The following ACO1 variants were observed in gnomAD, a reference collection of about 807,000 sequenced individuals.
ACO1 encodes cytoplasmic aconitate hydratase.
In ACO1, 78 loss-of-function variants were observed where a neutral mutation model predicts 105.1. The ratio of observed to expected loss-of-function variants is 0.74; its 90% confidence interval spans 0.62 to 0.90. The LOEUF (loss-of-function observed/expected upper bound fraction) is 0.90. Ranked by LOEUF, ACO1 falls within the 40% of genes least tolerant of loss-of-function variation. The pLI is 0.00. For synonymous variants in ACO1, 364 were observed against 397.4 expected (o/e 0.92, Z 1.00); for missense variants, 965 against 1,111.1 (o/e 0.87, Z 1.87).
chr9:32,418,593 T>C (rs1821903767), intron 6 of ACO1, 82 bp downstream of exon 6: 2 of 1,446,158 alleles, frequency 1.4e-6, no homozygotes, highest in Admixed American at 4.3e-5. Context: ...AACATGAATT[T>C]ACATGACCAC....
At position 32,436,391 on chromosome 9, in the gene ACO1, G is replaced by A. The variant is rs759394276; in HGVS notation, c.2241G>A (p.Gly747=). The A allele has an allele frequency of 5.0e-6, 8 of 1,613,826 alleles. No homozygotes were observed. The highest frequency in any genetic ancestry group is 6.8e-6 in the Non-Finnish European group (8 of 1,179,936). The part of the protein sequence containing the change: ...QAPQTIHLPS[G]EILDVFDAAE... ...CACAGACTATCCATCTGCCTTCTGG[G>A]GAAATCGTGAGTATTGTCTTCTGCT... is the stretch of plus-strand genomic sequence containing the variant. Residue 747 remains glycine (G), a synonymous_variant, in exon 18 of 21, where the codon GGG becomes GGA. Transcript: ENST00000309951.
At chr9:32,410,693 A>G (rs1477082581) in intron 4 of ACO1, among the ~76,000 whole-genome samples, 1 of 152,236 alleles carries the variant, frequency 6.6e-6, no homozygotes, top group Non-Finnish European at 1.5e-5. Flanking sequence ...CCTTTTCTCC[A>G]AAAGGCAGAA....
At chr9:32,396,521 C>G (rs190157025) in intron 1 of ACO1, among the ~76,000 whole-genome samples, 1 of 152,246 alleles carries the variant, frequency 6.6e-6, no homozygotes, top group Admixed American at 6.5e-5. Context: ...TTCCTTAGAC[C>G]CACCAGGCAT....
chr9:32,416,813 T>C lies in ACO1; in HGVS notation c.405-1315T>C, dbSNP rs1821861533. 3.3e-5 allele frequency among the ~76,000 whole-genome samples: 5 copies of C among 152,220 alleles called. No individual in the cohort carries two copies. In the South Asian group the frequency reaches 6.2e-4, roughly 19 times the overall value. On this transcript the variant is annotated intron_variant, in intron 4 of 20. Transcript: ENST00000309951. ...AGGCTCAGATAACAGCACTGTGTTA[T>C]CGTCTAACTTTGGACAAATTTAACC...
intron 15 of ACO1, 149 bp from the exon 16 acceptor site, chr9:32,433,579 A>G (rs1822287350): frequency 1.7e-6 from 1 of 599,168 alleles, no homozygotes; most frequent in South Asian, 2.2e-5. Flanking sequence ...ATGACCCACT[A>G]TTAGTATAAA....
chr9:32,408,094 T>G lies in ACO1; in HGVS notation c.267-420T>G, dbSNP rs180842035. On this transcript the variant is annotated intron_variant, in intron 3 of 20. Coordinates refer to ENST00000309951, the MANE Select transcript of ACO1 (RefSeq NM_002197.3). Reference sequence around the variant, plus strand: ...ACATGAATTTGATTCACAGCCAACTTTTCTGAATTATATCCATTCCTTGAA... The same window carrying G: ...ACATGAATTTGATTCACAGCCAACTGTTCTGAATTATATCCATTCCTTGAA... Among the ~76,000 whole-genome samples, 3 of 152,336 alleles carry G rather than the reference T, an allele frequency of 2.0e-5. No homozygotes were observed. In the South Asian group the frequency reaches 6.2e-4, roughly 32 times the overall value.
In ACO1 at chr9:32,448,910, C is replaced by CCTGGCCGAG; in HGVS notation, c.2386_2394dup (p.Leu796_Glu798dup). ...TTATTCATCAGGGAATCAAAGCCGT[C>CCTGGCCGAG]CTGGCCGAGAGCTACGAGCGCATTC... On this transcript the variant is annotated inframe_insertion, in exon 20 of 21. Coordinates refer to ENST00000309951, the MANE Select transcript of ACO1 (RefSeq NM_002197.3). 4 of 1,614,204 alleles carry CCTGGCCGAG rather than the reference C, an allele frequency of 2.5e-6. No homozygotes were observed. Among genetic ancestry groups the CCTGGCCGAG allele is most frequent in the Non-Finnish European group, 3.4e-6 (4 of 1,180,036 alleles).
intron 8 of ACO1, among the ~76,000 whole-genome samples, chr9:32,421,276 C>G (rs1167213020): frequency 2.0e-5 from 3 of 152,148 alleles, no homozygotes; most frequent in Non-Finnish European, 2.9e-5. Flanking sequence ...TCCTCTACTA[C>G]TAGTTTTTTG....
rs754386739 is a variant in ACO1, at chr9:32,450,245, C to G, written c.*134C>G. The stretch of plus-strand genomic sequence containing the variant: ...GATGGAGCAAGTGAGCACTGAGGGT[C>G]TGGTGCCAATCCTGTAGGCACAAAA... On this transcript the variant is annotated 3_prime_UTR_variant, in exon 21 of 21. Coordinates refer to ENST00000309951, the MANE Select transcript of ACO1 (RefSeq NM_002197.3). 5.2e-6 allele frequency: 4 copies of G among 769,676 alleles called. No homozygotes were observed. In the South Asian group the frequency reaches 5.6e-5, roughly 11 times the overall value. 47.7% of individuals were successfully genotyped at this position (769,676 alleles called of 1,614,324 possible). A position where few individuals can be genotyped will look rare whatever the true frequency, so the allele number is the denominator to read the frequency against.
rs556949534 is a variant in ACO1, at chr9:32,418,119, C to G, written c.405-9C>G. 7.4e-6 allele frequency: 12 copies of G among 1,613,286 alleles called. No homozygotes were observed. In the South Asian group the frequency reaches 1.3e-4, roughly 18 times the overall value. ...CAAATTGTATACATTTAATTTTTCT[C>G]TCTGACAGGGCAGACAGTTTACAGA... On this transcript the variant is annotated splice_polypyrimidine_tract_variant and intron_variant, in intron 4 of 20. Transcript: ENST00000309951.
chr9:32,426,523 C>T (rs1822101841), intron 11 of ACO1, among the ~76,000 whole-genome samples: 2 of 152,158 alleles, frequency 1.3e-5, no homozygotes, highest in Admixed American at 1.3e-4. Context: ...TTTTAGTCAT[C>T]CCCAAAGCTC....
At chr9:32,430,305 A>G in intron 13 of ACO1, 113 bp from the exon 14 acceptor site, 1 of 1,070,038 alleles carries the variant, frequency 9.3e-7, no homozygotes, top group Non-Finnish European at 1.3e-6. Context: ...ACCAAGTGAA[A>G]GGGCAGCTTA....
At position 32,434,565 on chromosome 9, in the gene ACO1, G is replaced by T; in HGVS notation, c.1963G>T (p.Asp655Tyr). The change falls in exon 17 of 21, where the codon GAT (aspartate) becomes TAT (tyrosine). Residue 655 changes from aspartate to tyrosine, a missense_variant. Physicochemically the swap from Asp to Tyr is radical, Grantham distance 160. Transcript: ENST00000309951. ...SPPFFENLTLDLQPPKSIVDA... is the reference protein window; with the variant it reads ...SPPFFENLTLYLQPPKSIVDA... Reference sequence around the variant, plus strand: ...TTTTTGTATTCTTTGCTAGACTTTGGATCTTCAGCCCCCTAAATCTATAGT... The same window carrying T: ...TTTTTGTATTCTTTGCTAGACTTTGTATCTTCAGCCCCCTAAATCTATAGT... 1 of 1,614,028 alleles carries T rather than the reference G, an allele frequency of 6.2e-7. No individual in the cohort carries two copies. The highest frequency in any genetic ancestry group is 8.5e-7 in the Non-Finnish European group (1 of 1,179,950).
chr9:32,428,478 G>C (rs114976200), intron 12 of ACO1, among the ~76,000 whole-genome samples: 4,875 of 151,662 alleles, frequency 0.032, 271 homozygotes, highest in African/African-American at 0.11. Flanking sequence ...TCCTGAGGCT[G>C]TTCTACACTT....
At chr9:32,442,137 T>G (rs2118560666) in intron 19 of ACO1, among the ~76,000 whole-genome samples, 1 of 152,170 alleles carries the variant, frequency 6.6e-6, no homozygotes, top group South Asian at 2.1e-4. Flanking sequence ...TCTCCAGAGA[T>G]TCTGGTTTAA....
rs1175872635 is a variant in ACO1, at chr9:32,414,770, A to T, written c.405-3358A>T. ...GAGGCAGGGGCCACATGTGGTTATA[A>T]TCTTACCTGTAGTGGTAGAAATCAA... On this transcript the variant is annotated intron_variant, in intron 4 of 20. Transcript: ENST00000309951. Among the ~76,000 whole-genome samples, 8 of 152,194 alleles carry T rather than the reference A, an allele frequency of 5.3e-5. No individual in the cohort carries two copies. In the East Asian group the frequency reaches 1.5e-3, roughly 29 times the overall value.
At chr9:32,405,696 G>T in intron 2 of ACO1, 93 bp downstream of exon 2, 3 of 906,672 alleles carry the variant, frequency 3.3e-6, no homozygotes, top group South Asian at 3.4e-5. Context: ...TGAAGAGGGA[G>T]TAGCAGAGAA....
chr9:32,434,708 A>C lies in ACO1; in HGVS notation c.2099+7A>C, dbSNP rs1419607572. 1.2e-6 allele frequency: 2 copies of C among 1,614,000 alleles called. No individual in the cohort carries two copies. The highest frequency in any genetic ancestry group is 1.7e-6 in the Non-Finnish European group (2 of 1,179,862). ...GCTACTTAACTAACAGAGGGTAAGT[A>C]TGAATGAGGCAGGAAGGACTAAAGG... On this transcript the variant is annotated splice_region_variant and intron_variant, in intron 17 of 20. Coordinates refer to ENST00000309951, the MANE Select transcript of ACO1 (RefSeq NM_002197.3).
At chr9:32,419,431 T>C (rs1044923790) in intron 7 of ACO1, among the ~76,000 whole-genome samples, 2 of 152,266 alleles carry the variant, frequency 1.3e-5, no homozygotes, top group African/African-American at 4.8e-5. Flanking sequence ...AATAGTTCAA[T>C]GATACAGAAA....
Sources: allele counts gnomAD v4.1 joint callset (sites outside exome capture counted in the v4.1 genomes callset), GRCh38; gene constraint gnomAD v4.1.1; transcripts MANE v1.5; gene names NCBI Gene and HGNC (gene_info 2026-07-23, HGNC 2026-07-21).